Variants in PRKG1 observed in about 807,000 individuals in gnomAD.
PRKG1 encodes protein kinase cGMP-dependent 1.
A neutral mutation model predicts 88.1 loss-of-function variants in PRKG1; 35 were observed. The observed-to-expected ratio is 0.40, with a 90% CI of 0.30 to 0.53. PRKG1 has a LOEUF of 0.53. PRKG1 is among the 20% of genes least tolerant of loss of function. PRKG1 has a pLI of 0.59. For missense variants in PRKG1, 540 were observed against 839.8 expected (o/e 0.64, Z 4.41); for synonymous variants, 303 against 292.5 (o/e 1.04, Z -0.37).
chr10:52,041,501 T>G (rs528605877), intron 5 of PRKG1, among the ~76,000 whole-genome samples: 1 of 152,336 alleles, frequency 6.6e-6, no homozygotes, highest in South Asian at 2.1e-4. Context: ...TAGAATGAAC[T>G]TGGAAGAATT....
intron 3 of PRKG1, among the ~76,000 whole-genome samples, chr10:51,475,546 A>G (rs1840166284): frequency 6.6e-6 from 1 of 152,042 alleles, no homozygotes; most frequent in African/African-American, 2.4e-5. Context: ...CACTATAATA[A>G]GTAGTCAGTG....
intron 3 of PRKG1, among the ~76,000 whole-genome samples, chr10:51,637,165 G>GA (rs922387058): frequency 3.3e-5 from 5 of 150,654 alleles, no homozygotes; most frequent in Middle Eastern, 3.4e-3. Flanking sequence ...GAAACATATG[G>GA]AAAAAAAAAG....
At chr10:51,222,546 C>G (rs896475167) in intron 2 of PRKG1, among the ~76,000 whole-genome samples, 1 of 152,068 alleles carries the variant, frequency 6.6e-6, no homozygotes, top group African/African-American at 2.4e-5. Context: ...TACTTCATTT[C>G]TTTAATAAGG....
intron 2 of PRKG1, chr10:51,245,072 C>G (rs765245175): frequency 7.9e-5 from 12 of 152,134 alleles, no homozygotes; most frequent in Admixed American, 5.9e-4. Context: ...TCCCTAGCTT[C>G]CCTTTGCTTA....
intron 3 of PRKG1, among the ~76,000 whole-genome samples, chr10:51,665,414 A>G (rs1219429089): frequency 1.3e-5 from 2 of 152,142 alleles, no homozygotes; most frequent in Non-Finnish European, 2.9e-5. Context: ...TACTGATTAT[A>G]TATGGCCATA....
intron 5 of PRKG1, among the ~76,000 whole-genome samples, chr10:51,970,905 A>G (rs1378442790): frequency 6.6e-6 from 1 of 150,448 alleles, no homozygotes; most frequent in Non-Finnish European, 1.5e-5. Flanking sequence ...GGACTAGAGT[A>G]TTCATAGCAG....
At chr10:51,357,079 T>C (rs1476144271) in intron 2 of PRKG1, among the ~76,000 whole-genome samples, 1 of 151,950 alleles carries the variant, frequency 6.6e-6, no homozygotes, top group East Asian at 1.9e-4. Flanking sequence ...AGGAGCTAGA[T>C]AAATATTTTC....
chr10:52,111,088 A>T (rs1361182940), intron 7 of PRKG1, among the ~76,000 whole-genome samples: 2 of 152,222 alleles, frequency 1.3e-5, no homozygotes, highest in African/African-American at 4.8e-5. Context: ...AAATCTAGGC[A>T]CAATGAGATC....
At chr10:52,264,260 TG>T (rs559995822) in intron 10 of PRKG1, among the ~76,000 whole-genome samples, 74 of 152,210 alleles carry the variant, frequency 4.9e-4, no homozygotes, top group African/African-American at 1.6e-3. Context: ...GTTTGTTTAC[TG>T]ATGTTCTTAT....
intron 7 of PRKG1, among the ~76,000 whole-genome samples, chr10:52,075,963 G>A (rs1428442795): frequency 1.3e-5 from 2 of 152,074 alleles, no homozygotes; most frequent in Non-Finnish European, 2.9e-5. Flanking sequence ...GGGGGTTAGG[G>A]CTTCAATATA....
chr10:51,695,298 A>ATCTT (rs1220587278), intron 3 of PRKG1, among the ~76,000 whole-genome samples: 1 of 152,202 alleles, frequency 6.6e-6, no homozygotes, highest in Non-Finnish European at 1.5e-5. Flanking sequence ...AAAATGGCCC[A>ATCTT]TCTTTATAGT....
chr10:52,001,779 T>G (rs1017424348), intron 5 of PRKG1, among the ~76,000 whole-genome samples: 3 of 152,050 alleles, frequency 2.0e-5, no homozygotes, highest in Non-Finnish European at 4.4e-5. Context: ...CATATTTACT[T>G]GGTATGAACT....
chr10:52,293,295 A>T (rs1842302426), intron 17 of PRKG1, among the ~76,000 whole-genome samples: 1 of 151,868 alleles, frequency 6.6e-6, no homozygotes, highest in African/African-American at 2.4e-5. Context: ...TTCCATGCTC[A>T]TGGGTAGGAA....
intron 2 of PRKG1, among the ~76,000 whole-genome samples, chr10:51,364,532 T>C (rs1842550073): frequency 6.6e-6 from 1 of 151,952 alleles, no homozygotes; most frequent in Admixed American, 6.6e-5. Flanking sequence ...ACTTTCAAGC[T>C]GGCTGTGTAA....
chr10:51,640,159 C>A (rs1170967563), intron 3 of PRKG1, among the ~76,000 whole-genome samples: 2 of 152,324 alleles, frequency 1.3e-5, no homozygotes, highest in Non-Finnish European at 2.9e-5. Context: ...CAGAGACCTG[C>A]AATGTATCTT....
At chr10:51,248,831 A>G (rs889997779) in intron 2 of PRKG1, among the ~76,000 whole-genome samples, 1 of 151,822 alleles carries the variant, frequency 6.6e-6, no homozygotes, top group East Asian at 1.9e-4. Flanking sequence ...GAACATTACA[A>G]CTAAGGTAAA....
At chr10:51,656,223 C>T (rs890938308) in intron 3 of PRKG1, among the ~76,000 whole-genome samples, 21 of 152,266 alleles carry the variant, frequency 1.4e-4, no homozygotes, top group African/African-American at 5.1e-4. Context: ...GAACTTTTCT[C>T]TTCAGAAATA....
chr10:51,487,903 G>A (rs941193027), intron 3 of PRKG1, among the ~76,000 whole-genome samples: 10 of 152,226 alleles, frequency 6.6e-5, no homozygotes, highest in East Asian at 1.9e-4. Flanking sequence ...AGATGATGAC[G>A]AAGAAACAAC....
rs370403466 is a variant in PRKG1, at chr10:52,166,819, G to GTATATA, written c.1076+4860_1076+4865dup. 7.2e-4 allele frequency among the ~76,000 whole-genome samples: 40 copies of GTATATA among 55,314 alleles called. 3 individuals carry two copies. Among genetic ancestry groups the GTATATA allele is most frequent in the African/African-American group, 1.6e-3 (30 of 18,264 alleles). 36.3% of individuals were successfully genotyped at this position (55,314 alleles called of 152,430 possible). On this transcript the variant is annotated intron_variant, in intron 9 of 17. Transcript: ENST00000373980. ...TATACATATATATATGTATATATAT[G>GTATATA]TATATATATGTATATATATGTATAT...
Sources: gnomAD v4.1 joint callset for allele counts (sites outside exome capture counted in the v4.1 genomes callset) on GRCh38, gnomAD v4.1.1 for gene constraint, MANE v1.5 for transcripts, NCBI Gene and HGNC (gene_info 2026-07-23, HGNC 2026-07-21) for gene names.